Variants in CNOT1 observed in about 807,000 individuals in gnomAD.
The protein encoded by CNOT1 is CCR4-associated factor 1.
CNOT1 carries 15 observed loss-of-function variants against 273.8 expected under a neutral mutation model. The observed-to-expected ratio is 0.05, with a 90% CI of 0.04 to 0.08. The LOEUF (loss-of-function observed/expected upper bound fraction) is 0.08, where lower values mean the gene tolerates loss of function less well. CNOT1 is among the 10% of genes least tolerant of loss of function. The pLI, the probability that CNOT1 is intolerant of heterozygous loss-of-function variation, is 1.00. For synonymous variants in CNOT1, 1,022 were observed against 1,005.5 expected (o/e 1.02, Z -0.31); for missense variants, 1,644 against 2,912.2 (o/e 0.56, Z 10.02).
At chr16:58,548,737 T>A in intron 25 of CNOT1, 1 of 424,642 alleles carries the variant, frequency 2.4e-6, no homozygotes, top group Non-Finnish European at 4.6e-6. Flanking sequence ...GTTTAGAAAT[T>A]AAAATACTTG....
At chr16:58,551,009 T>C (rs2040432717) in intron 24 of CNOT1, 123 bp downstream of exon 24, 2 of 1,503,546 alleles carry the variant, frequency 1.3e-6, no homozygotes, top group Non-Finnish European at 1.8e-6. Flanking sequence ...TAGTTAAATA[T>C]ACATATTCCC....
Position 58,543,804 on chromosome 16 carries a change from T to C in CNOT1, c.4237A>G (p.Ile1413Val), listed in dbSNP as rs2040169775. ...TCACAAGTAGTCATGGCAATCTTAA[T>C]TGATCGATCCACCACAGGATGGACC... Reference protein sequence around the residue: ...ELVHPVVDRSIKIAMTTCEQI... With the variant: ...ELVHPVVDRSVKIAMTTCEQI... Residue 1413 changes from isoleucine to valine, a missense_variant, in exon 31 of 49, where the codon ATT becomes GTT. Transcript: ENST00000317147. 1.9e-6 allele frequency: 3 copies of C among 1,614,026 alleles called. No homozygotes were observed. The highest frequency in any genetic ancestry group is 1.3e-5 in the African/African-American group (1 of 74,922).
chr16:58,521,057 C>T (rs757513240), intron 48 of CNOT1, 21 bp from the exon 49 acceptor site: 2 of 1,614,114 alleles, frequency 1.2e-6, no homozygotes, highest in South Asian at 1.1e-5. Flanking sequence ...AAGACAGTTA[C>T]AAATCTCTGA....
chr16:58,622,101 AGG>A (rs2043352019), intron 1 of CNOT1, among the ~76,000 whole-genome samples: 2 of 150,990 alleles, frequency 1.3e-5, no homozygotes, highest in African/African-American at 2.4e-5. Flanking sequence ...TCACGAGGTC[AGG>A]AGATCGAGAC....
At chr16:58,536,105 T>TCCAGCCTGGGTGACA (rs1229071767) in intron 39 of CNOT1, among the ~76,000 whole-genome samples, 11 of 152,224 alleles carry the variant, frequency 7.2e-5, no homozygotes, top group Non-Finnish European at 5.9e-5. Context: ...GTCATTAATT[T>TCCAGCCTGGGTGACA]GAAAAGAGAC....
rs1354360309 is a variant in CNOT1, at chr16:58,585,449, C to G, written c.695G>C (p.Arg232Pro). ...VLAPLLYPEK[R>P]DILMDRILPD... is the part of the protein sequence containing the mutation. ...CAGGATCCTGTCCATTAGAATGTCC[C>G]GTTTTTCAGGGTATAAAAGTGGTGC... is the stretch of plus-strand genomic sequence containing the variant. Residue 232 changes from arginine (R) to proline (P), a missense_variant, in exon 8 of 49, where the codon CGG becomes CCG. This residue lies in a region of CNOT1 where 706 missense variants were observed against 1,021.2 expected (regional missense o/e 0.69). Transcript: ENST00000317147. 6.2e-7 allele frequency: 1 copy of G among 1,611,184 alleles called. No homozygotes were observed. Among genetic ancestry groups the G allele is most frequent in the East Asian group, 2.2e-5 (1 of 44,672 alleles).
At position 58,529,420 on chromosome 16, in the gene CNOT1, T is replaced by C. The variant is rs12597027; in HGVS notation, c.6280-772A>G. Among the ~76,000 whole-genome samples the C allele has an allele frequency of 5.9e-4, 90 of 152,210 alleles. No individual in the cohort carries two copies. In the East Asian group the frequency reaches 0.017, roughly 29 times the overall value. On this transcript the variant is annotated intron_variant, in intron 43 of 48. Coordinates refer to ENST00000317147, the MANE Select transcript of CNOT1 (RefSeq NM_016284.5). ...ATATATAGTAACAACAAAGGGCTTG[T>C]ATTTAAAACATATAAAGAATTATTT...
At chr16:58,581,122 A>G (rs925857536) in intron 11 of CNOT1, among the ~76,000 whole-genome samples, 13 of 151,012 alleles carry the variant, frequency 8.6e-5, no homozygotes, top group Non-Finnish European at 1.6e-4. Flanking sequence ...GAACATCATT[A>G]AACTATTGGG....
intron 2 of CNOT1, among the ~76,000 whole-genome samples, chr16:58,593,717 ACT>A (rs1175122174): frequency 2.0e-5 from 3 of 152,110 alleles, no homozygotes; most frequent in Admixed American, 6.6e-5. Flanking sequence ...ACAGAGTGAG[ACT>A]CTGTCTCAAA....
At chr16:58,532,473 T>C (rs922020437) in intron 40 of CNOT1, 78 bp from the exon 41 acceptor site, 21 of 1,549,530 alleles carry the variant, frequency 1.4e-5, no homozygotes, top group Admixed American at 7.8e-5. Context: ...TTTTTAAACT[T>C]TGCATTCTTA....
Position 58,546,518 on chromosome 16 carries a change from G to A in CNOT1, c.3829-20C>T. 6.2e-7 allele frequency: 1 copy of A among 1,602,112 alleles called. No homozygotes were observed. Among genetic ancestry groups the A allele is most frequent in the South Asian group, 1.1e-5 (1 of 88,640 alleles). ...GTTTAACTGCACAGTTCCAGAGTTG[G>A]ATTAGAATTTTTAAAAGAAAACTTT... On this transcript the variant is annotated intron_variant, in intron 28 of 48. Transcript: ENST00000317147.
At chr16:58,574,388 T>G (rs2041390493) in intron 16 of CNOT1, among the ~76,000 whole-genome samples, 1 of 150,636 alleles carries the variant, frequency 6.6e-6, no homozygotes, top group Non-Finnish European at 1.5e-5. Flanking sequence ...AACTGGATAT[T>G]CACATGCAAA....
Position 58,541,593 on chromosome 16 carries a change from C to A in CNOT1, c.4708G>T (p.Ala1570Ser), listed in dbSNP as rs757943523. ...TTGCGTGCAAACTCTTCGTAAACAG[C>A]CAACTGCTTTGGGTCCACACCACCA... ...KVGGVDPKQLAVYEEFARNVP... is the reference protein window; with the variant it reads ...KVGGVDPKQLSVYEEFARNVP... Residue 1570 changes from alanine to serine, a missense_variant, in exon 34 of 49, where the codon GCT becomes TCT. Transcript: ENST00000317147. The A allele has an allele frequency of 6.2e-7, 1 of 1,613,960 alleles. No individual in the cohort carries two copies. Among genetic ancestry groups the A allele is most frequent in the Non-Finnish European group, 8.5e-7 (1 of 1,179,870 alleles).
intron 16 of CNOT1, among the ~76,000 whole-genome samples, chr16:58,561,087 A>T (rs1473760764): frequency 1.3e-5 from 2 of 152,184 alleles, no homozygotes; most frequent in African/African-American, 4.8e-5. Flanking sequence ...TGGGAGGCTG[A>T]GGTGGGAGGA....
chr16:58,536,795 T>C (rs2039943434), intron 39 of CNOT1, among the ~76,000 whole-genome samples, 194 bp downstream of exon 39: 1 of 152,148 alleles, frequency 6.6e-6, no homozygotes, highest in South Asian at 2.1e-4. Context: ...TGGGAGGGAA[T>C]GTTGCCTTTA....
chr16:58,530,745 C>CTGCA (rs912090017), intron 42 of CNOT1: 2 of 151,252 alleles, frequency 1.3e-5, no homozygotes, highest in African/African-American at 4.9e-5. Flanking sequence ...GGTCGTGGCA[C>CTGCA]TGCACTCCAG....
chr16:58,572,862 C>T (rs1277675337), intron 16 of CNOT1, among the ~76,000 whole-genome samples: 1 of 149,082 alleles, frequency 6.7e-6, no homozygotes. Context: ...GAGCCAAGAT[C>T]GCACCACTGC....
chr16:58,621,302 T>C (rs1239809576), intron 1 of CNOT1, among the ~76,000 whole-genome samples: 1 of 151,840 alleles, frequency 6.6e-6, no homozygotes, highest in African/African-American at 2.4e-5. Context: ...AGACAGAGTT[T>C]TGCTCTTGTT....
At position 58,551,625 on chromosome 16, in the gene CNOT1, G is replaced by A. The variant is rs1272178949; in HGVS notation, c.3165C>T (p.Thr1055=). The change falls in exon 23 of 49, where the codon ACC becomes ACT. Residue 1055 remains threonine (T), a synonymous_variant. Coordinates refer to ENST00000317147, the MANE Select transcript of CNOT1 (RefSeq NM_016284.5). Reference sequence around the variant, plus strand: ...TCTTAAAGCTGACTCCAGTTGGCCTGGTGACCGTAACCGTTTTAGCAACAG... The same window carrying A: ...TCTTAAAGCTGACTCCAGTTGGCCTAGTGACCGTAACCGTTTTAGCAACAG... ...TTTVAKTVTV[T]RPTGVSFKKD... is the part of the protein sequence containing the mutation. The A allele has an allele frequency of 1.2e-6, 2 of 1,614,044 alleles. No homozygotes were observed. Among genetic ancestry groups the A allele is most frequent in the East Asian group, 2.2e-5 (1 of 44,894 alleles).
Sources: gnomAD v4.1 joint callset for allele counts (sites outside exome capture counted in the v4.1 genomes callset) on GRCh38, gnomAD v4.1.1 for gene constraint, gnomAD v4.1.1 regional missense constraint, MANE v1.5 for transcripts, NCBI Gene and HGNC (gene_info 2026-07-23, HGNC 2026-07-21) for gene names.